ZNF821: variants seen among roughly 807,000 people sequenced by gnomAD.
ZNF821 encodes the protein zinc finger protein 821.
In ZNF821, 16 loss-of-function variants were observed where a neutral mutation model predicts 44.3. The observed-to-expected ratio is 0.36, with a 90% CI of 0.24 to 0.55. ZNF821 has a LOEUF of 0.55. Among genes scored for constraint, ZNF821 ranks in the 20% least tolerant of loss-of-function variants. The pLI, the probability that ZNF821 is intolerant of heterozygous loss-of-function variation, is 0.86. For missense variants in ZNF821, 436 were observed against 547.6 expected (o/e 0.80, Z 2.03); for synonymous variants, 204 against 197.6 (o/e 1.03, Z -0.27).
intron 3 of ZNF821, among the ~76,000 whole-genome samples, chr16:71,877,398 C>G (rs2142446427): frequency 6.6e-6 from 1 of 152,180 alleles, no homozygotes; most frequent in African/African-American, 2.4e-5. Context: ...GTAGCTGGGA[C>G]TATAGATGTA....
In ZNF821 at chr16:71,876,552, T is replaced by C. The variant is rs559244587; in HGVS notation, c.40+3355A>G. 7.9e-5 allele frequency among the ~76,000 whole-genome samples: 12 copies of C among 152,206 alleles called. No individual in the cohort carries two copies. In the East Asian group the frequency reaches 2.3e-3, roughly 29 times the overall value. On this transcript the variant is annotated intron_variant, in intron 3 of 7. Transcript: ENST00000425432. ...GAGAGGAGAAACAATCCTAAACCCC[T>C]GTGATGGATGGCCTATGCTAAAATA...
Position 71,864,933 on chromosome 16 carries a change from A to G in ZNF821, c.282T>C (p.Pro94=), listed in dbSNP as rs1412043501. 5.6e-6 allele frequency: 9 copies of G among 1,614,138 alleles called. No individual in the cohort carries two copies. The East Asian group carries it at 2.0e-4, about 36-fold the overall frequency. The change falls in exon 5 of 8, where the codon CCT becomes CCC. Residue 94 remains proline (P), a synonymous_variant. Transcript: ENST00000425432. The part of the protein sequence containing the change: ...VEKELENTEQ[P]VGGNEVVEHE... ...GCTCTACCACTTCGTTCCCACCAAC[A>G]GGCTGTTCTGTATTTTCTAACTCTT...
At chr16:71,863,566 T>C (rs1483239001) in intron 6 of ZNF821, among the ~76,000 whole-genome samples, 1 of 152,098 alleles carries the variant, frequency 6.6e-6, no homozygotes, top group South Asian at 2.1e-4. Context: ...TAAAAAAAAA[T>C]TTTGTAGGGC....
At chr16:71,887,899 C>G (rs2036867814), upstream of ZNF821, among the ~76,000 whole-genome samples, 1 of 150,554 alleles carries the variant, frequency 6.6e-6, no homozygotes, top group African/African-American at 2.4e-5. Flanking sequence ...CTCTGTTGCC[C>G]AGGCTGGAGT....
chr16:71,878,286 T>C (rs948972354), intron 3 of ZNF821, among the ~76,000 whole-genome samples: 5 of 151,844 alleles, frequency 3.3e-5, no homozygotes, highest in Admixed American at 6.6e-5. Context: ...TAATTTTTTT[T>C]GTATTTTTAG....
intron 3 of ZNF821, among the ~76,000 whole-genome samples, chr16:71,876,351 C>A (rs1002811827): frequency 2.6e-5 from 4 of 151,896 alleles, no homozygotes; most frequent in African/African-American, 9.7e-5. Context: ...TTACAGGCAC[C>A]CGCCACTGCA....
In ZNF821 at chr16:71,860,217, C is replaced by A; in HGVS notation, c.1040G>T (p.Arg347Leu). The change falls in exon 8 of 8, where the codon CGA (arginine) becomes CTA (leucine). Residue 347 changes from arginine (R) to leucine (L), a missense_variant. Physicochemically the swap from Arg to Leu is moderately radical, Grantham distance 102. Coordinates refer to ENST00000425432, the MANE Select transcript of ZNF821 (RefSeq NM_001201552.2). The surrounding 1 kb of genome is among the most constrained non-coding windows in gnomAD (Gnocchi z 7.3). ...CCTCCTCTTGAGCCGCTTGGCCTCT[C>A]GCTCTCGGATGAGCCGGGCCTGCCG... ...EKRQARLIREREAKRLKRRLE... is the reference protein window; with the variant it reads ...EKRQARLIRELEAKRLKRRLE... The A allele has an allele frequency of 6.2e-7, 1 of 1,614,230 alleles. No individual in the cohort carries two copies. Among genetic ancestry groups the A allele is most frequent in the Non-Finnish European group, 8.5e-7 (1 of 1,180,040 alleles).
chr16:71,860,489 G>C lies in ZNF821; in HGVS notation c.768C>G (p.Arg256=). ...CATTCTGTCGACGTAGAGCCCACTT[G>C]CGTACACTGGGAGTCTGGGCTTCCA... is the stretch of plus-strand genomic sequence containing the variant. ...KLLEAQTPSV[R]KWALRRQNEP... The change falls in exon 8 of 8, where the codon CGC becomes CGG. Residue 256 remains arginine (R), a synonymous_variant. Coordinates refer to ENST00000425432, the MANE Select transcript of ZNF821 (RefSeq NM_001201552.2). This position sits in a 1 kb window ranked among gnomAD's most constrained non-coding sequence, Gnocchi z 7.3. 1 of 1,614,186 alleles carries C rather than the reference G, an allele frequency of 6.2e-7. No individual in the cohort carries two copies. Among genetic ancestry groups the C allele is most frequent in the South Asian group, 1.1e-5 (1 of 91,084 alleles).
intron 3 of ZNF821, among the ~76,000 whole-genome samples, chr16:71,877,067 C>T (rs555357226): frequency 1.2e-4 from 18 of 152,250 alleles, no homozygotes; most frequent in African/African-American, 3.4e-4. Context: ...GCATCCAACT[C>T]GTTCCGTTTT....
At chr16:71,872,527 G>T (rs572676910) in intron 3 of ZNF821, among the ~76,000 whole-genome samples, 1 of 152,032 alleles carries the variant, frequency 6.6e-6, no homozygotes. Context: ...GCAGGAGAAT[G>T]GAGTGAACTC....
rs2033770833 is a variant in ZNF821, at chr16:71,860,801, G to A, written c.585-129C>T. 3.5e-6 allele frequency: 3 copies of A among 853,312 alleles called. No individual in the cohort carries two copies. Among genetic ancestry groups the A allele is most frequent in the Non-Finnish European group, 5.3e-6 (3 of 566,962 alleles). The allele number at this position is 853,312 out of a possible 1,614,324, so 52.9% of individuals were successfully genotyped here. A position where few individuals can be genotyped will look rare whatever the true frequency, so the allele number is the denominator to read the frequency against. On this transcript the variant is annotated intron_variant, in intron 7 of 7. Coordinates refer to ENST00000425432, the MANE Select transcript of ZNF821 (RefSeq NM_001201552.2). This position sits in a 1 kb window ranked among gnomAD's most constrained non-coding sequence, Gnocchi z 7.3. ...CCACAAGGGGTCAGTTTGAATGCTT[G>A]GTGGACCTCTTCTGCTGCTCCATCC...
At chr16:71,884,185 G>T (rs2036732777), upstream of ZNF821, 1 of 151,990 alleles carries the variant, frequency 6.6e-6, no homozygotes, top group African/African-American at 2.4e-5. Context: ...TCGCGCACCC[G>T]CAGCTAGTGA....
At chr16:71,884,659 G>A (rs2036774042), upstream of ZNF821, 1 of 152,184 alleles carries the variant, frequency 6.6e-6, no homozygotes, top group South Asian at 2.1e-4. Context: ...ATGTGACCAC[G>A]GGCCTTGGTG....
At chr16:71,884,705 T>C (rs1280428115), upstream of ZNF821, 2 of 152,196 alleles carry the variant, frequency 1.3e-5, no homozygotes, top group African/African-American at 2.4e-5. Context: ...ACCTCAGAGC[T>C]GGGAAATCTT....
chr16:71,875,293 T>C (rs753014343), intron 3 of ZNF821, among the ~76,000 whole-genome samples: 1 of 152,004 alleles, frequency 6.6e-6, no homozygotes, highest in Admixed American at 6.6e-5. Context: ...TTTTTTTCCT[T>C]TTTTTTGAGA....
intron 1 of ZNF821, among the ~76,000 whole-genome samples, chr16:71,891,073 C>G (rs1479318973): frequency 1.8e-4 from 27 of 152,160 alleles, no homozygotes; most frequent in Admixed American, 1.8e-3. Flanking sequence ...CGCGCCCAGC[C>G]CCTTCCTGCT....
chr16:71,889,058 A>T (rs1470883999), upstream of ZNF821, among the ~76,000 whole-genome samples: 1 of 152,140 alleles, frequency 6.6e-6, no homozygotes, highest in East Asian at 1.9e-4. Context: ...CAGTCTGGGC[A>T]ACATAGTGAG....
chr16:71,892,178 C>CAAAAAAAAAAAAAAAAAAAAAAA (rs560376648), intron 1 of ZNF821, among the ~76,000 whole-genome samples: 1 of 31,938 alleles, frequency 3.1e-5, no homozygotes, highest in African/African-American at 8.7e-5. Context: ...AACTCCGTCT[C>CAAAAAAAAAAAAAAAAAAAAAAA]AAAAAAAAAA....
At chr16:71,868,571 TCTTC>T (rs1415230287) in intron 3 of ZNF821, among the ~76,000 whole-genome samples, 1 of 152,232 alleles carries the variant, frequency 6.6e-6, no homozygotes, top group Non-Finnish European at 1.5e-5. Context: ...CCCTGGAAGT[TCTTC>T]CTTGACTTTC....
Sources: allele counts gnomAD v4.1 joint callset (sites outside exome capture counted in the v4.1 genomes callset), GRCh38; gene constraint gnomAD v4.1.1; non-coding constraint Gnocchi (gnomAD v3.1); transcripts MANE v1.5; gene names NCBI Gene and HGNC (gene_info 2026-07-23, HGNC 2026-07-21).